The following ZNF782 variants were observed in gnomAD, a reference collection of about 807,000 sequenced individuals.
ZNF782 encodes zinc finger protein 782.
A neutral mutation model predicts 13.0 loss-of-function variants in ZNF782; 12 were observed. The observed-to-expected ratio is 0.92, with a 90% CI of 0.59 to 1.50. The LOEUF is 1.50. ZNF782 is among the 40% of genes most tolerant of loss of function. The probability of loss-of-function intolerance (pLI) is 0.00; values close to 1 mark genes in which losing one functional copy is unlikely to be tolerated. For missense variants in ZNF782, 770 were observed against 822.9 expected, an observed-to-expected ratio of 0.94 and a Z score of 0.79; for synonymous variants, 284 against 283.0, an observed-to-expected ratio of 1.00 and a Z score of -0.04.
At chr9:96,875,542 C>T (rs1454404703) in exon 1 of ZNF782, 5 of 456,638 alleles carry the variant, frequency 1.1e-5, no homozygotes, top group East Asian at 6.9e-5. Flanking sequence ...ACAGCGCCCA[C>T]GAGTTCTGGC....
the ZNF782 span, among the ~76,000 whole-genome samples, chr9:96,926,664 T>C: frequency 6.6e-6 from 1 of 151,854 alleles, no homozygotes; most frequent in African/African-American, 2.4e-5. Flanking sequence ...GGATATTGGA[T>C]AGGAGTTAGG....
At position 96,817,581 on chromosome 9, in the gene ZNF782, A is replaced by G. The variant is rs1406789237; in HGVS notation, c.*342T>C. On this transcript the variant is annotated 3_prime_UTR_variant, in exon 6 of 6. Coordinates refer to ENST00000481138, the MANE Select transcript of ZNF782 (RefSeq NM_001001662.3). The stretch of plus-strand genomic sequence containing the variant: ...GTGAATGAGTTTTGATTGTTGGCAC[A>G]AAGTTTTCACATTTTTATTACTTTC... 1.0e-5 allele frequency: 2 copies of G among 195,432 alleles called. No individual in the cohort carries two copies. The highest frequency in any genetic ancestry group is 2.0e-5 in the Non-Finnish European group (2 of 98,548). 12.1% of individuals were successfully genotyped at this position (195,432 alleles called of 1,614,324 possible).
upstream of ZNF782, among the ~76,000 whole-genome samples, chr9:96,876,792 G>C (rs1356395906): frequency 6.6e-6 from 1 of 151,906 alleles, no homozygotes; most frequent in Non-Finnish European, 1.5e-5. Flanking sequence ...GATTGCCTGA[G>C]TTCAGAAGTT....
intron 1 of ZNF782, among the ~76,000 whole-genome samples, chr9:96,862,004 G>A (rs755496543): frequency 4.6e-5 from 7 of 152,192 alleles, no homozygotes; most frequent in Non-Finnish European, 8.8e-5. Flanking sequence ...AGATTTGGAA[G>A]CATCCCGAGT....
chr9:96,849,515 T>C (rs1851432744), intron 3 of ZNF782, among the ~76,000 whole-genome samples: 1 of 152,158 alleles, frequency 6.6e-6, no homozygotes, highest in African/African-American at 2.4e-5. Flanking sequence ...AAATATCAAC[T>C]CAAGATGGAT....
the ZNF782 span, among the ~76,000 whole-genome samples, chr9:96,883,961 C>A: frequency 5.9e-5 from 9 of 152,172 alleles, no homozygotes; most frequent in African/African-American, 2.2e-4. Flanking sequence ...AAAGTGTGTT[C>A]TCTTTAGCCA....
At chr9:96,892,681 T>C in the ZNF782 span, 1 of 152,262 alleles carries the variant, frequency 6.6e-6, no homozygotes, top group Non-Finnish European at 1.5e-5. Context: ...AACTATATTC[T>C]TCTGAATCTG....
the ZNF782 span, among the ~76,000 whole-genome samples, chr9:96,915,339 A>T: frequency 2.0e-5 from 3 of 151,870 alleles, no homozygotes; most frequent in African/African-American, 7.3e-5. Flanking sequence ...AAGCACGTAC[A>T]CAGGGTAGAG....
chr9:96,860,820 C>G (rs1851694535), intron 2 of ZNF782, among the ~76,000 whole-genome samples: 1 of 152,158 alleles, frequency 6.6e-6, no homozygotes, highest in Non-Finnish European at 1.5e-5. Context: ...AACAAAGGTG[C>G]CGAGAACATA....
At chr9:96,885,464 A>G in the ZNF782 span, among the ~76,000 whole-genome samples, 1 of 152,230 alleles carries the variant, frequency 6.6e-6, no homozygotes, top group Admixed American at 6.5e-5. Context: ...AAAAAAGGTA[A>G]GAAAAGAGAA....
At chr9:96,911,939 C>G in the ZNF782 span, among the ~76,000 whole-genome samples, 3 of 151,764 alleles carry the variant, frequency 2.0e-5, no homozygotes, top group Non-Finnish European at 4.4e-5. Flanking sequence ...GCGGCTCACG[C>G]CTGTAATCCC....
At chr9:96,868,868 G>A (rs76960535) in intron 1 of ZNF782, among the ~76,000 whole-genome samples, 1,700 of 152,254 alleles carry the variant, frequency 0.011, 46 homozygotes, top group African/African-American at 0.038. Flanking sequence ...ACATTGTCCT[G>A]TGTTGGTTTT....
chr9:96,887,131 T>C, the ZNF782 span, among the ~76,000 whole-genome samples: 2 of 151,558 alleles, frequency 1.3e-5, no homozygotes, highest in Admixed American at 6.6e-5. Context: ...CTGGCCAACA[T>C]GGTGAAACCC....
chr9:96,865,953 T>G (rs1851749410), intron 1 of ZNF782, among the ~76,000 whole-genome samples: 1 of 152,148 alleles, frequency 6.6e-6, no homozygotes, highest in Non-Finnish European at 1.5e-5. Context: ...AGAAGAAACT[T>G]CCAAGCAGCA....
chr9:96,839,015 A>G (rs954721673), intron 4 of ZNF782, among the ~76,000 whole-genome samples: 2 of 152,068 alleles, frequency 1.3e-5, no homozygotes, highest in Admixed American at 6.6e-5. Flanking sequence ...CGCCTGGCCT[A>G]TCCAGGCAAC....
In ZNF782 at chr9:96,818,842, T is replaced by C. The variant is rs566799241; in HGVS notation, c.1181A>G (p.Tyr394Cys). Residue 394 changes from tyrosine to cysteine, a missense_variant, in exon 6 of 6, where the codon TAT (tyrosine) becomes TGT (cysteine). Transcript: ENST00000481138. ...GGCTTTCCCGCACTCAGGACATTCA[T>C]AGGGTTTCTCCCCTGTGTGACTTTT... is the stretch of plus-strand genomic sequence containing the variant. ...PQKSHTGEKP[Y>C]ECPECGKAFS... The C allele has an allele frequency of 1.2e-6, 2 of 1,612,968 alleles. No individual in the cohort carries two copies. The highest frequency in any genetic ancestry group is 1.3e-5 in the African/African-American group (1 of 74,604).
intron 4 of ZNF782, among the ~76,000 whole-genome samples, chr9:96,828,937 T>C (rs996416123): frequency 2.6e-5 from 4 of 151,876 alleles, no homozygotes; most frequent in African/African-American, 7.3e-5. Flanking sequence ...GAAAAAGACA[T>C]AATATATGCA....
chr9:96,865,014 T>C (rs1358148759), intron 1 of ZNF782, among the ~76,000 whole-genome samples: 1 of 151,974 alleles, frequency 6.6e-6, no homozygotes, highest in Non-Finnish European at 1.5e-5. Flanking sequence ...CCACTGCACT[T>C]TAGCCTGGGT....
At chr9:96,837,347 T>C (rs1851033579) in intron 4 of ZNF782, among the ~76,000 whole-genome samples, 1 of 152,242 alleles carries the variant, frequency 6.6e-6, no homozygotes, top group Admixed American at 6.5e-5. Flanking sequence ...AGCATTCCTT[T>C]ATAATCAGTT....
Sources: gnomAD v4.1 joint callset for allele counts (sites outside exome capture counted in the v4.1 genomes callset) on GRCh38, gnomAD v4.1.1 for gene constraint, MANE v1.5 for transcripts, NCBI Gene and HGNC (gene_info 2026-07-23, HGNC 2026-07-21) for gene names.